ENTREP2: variants seen among roughly 807,000 people sequenced by gnomAD.
ENTREP2 encodes the protein endosomal transmembrane epsin interactor 2.
At chr15:29,521,922 G>C in the ENTREP2 span, among the ~76,000 whole-genome samples, 1 of 152,116 alleles carries the variant, frequency 6.6e-6, no homozygotes, top group East Asian at 1.9e-4. Flanking sequence ...TTGGCATCAA[G>C]ACAGACAAGT....
At chr15:29,545,418 A>C in the ENTREP2 span, among the ~76,000 whole-genome samples, 2 of 152,244 alleles carry the variant, frequency 1.3e-5, no homozygotes, top group Non-Finnish European at 2.9e-5. Flanking sequence ...GCCAAAAGAG[A>C]TAACAGAAAA....
At chr15:29,592,316 G>A in the ENTREP2 span, among the ~76,000 whole-genome samples, 1 of 152,186 alleles carries the variant, frequency 6.6e-6, no homozygotes, top group South Asian at 2.1e-4. Flanking sequence ...CAAGGGGCCT[G>A]TCTTTGTTTT....
At chr15:29,599,014 G>C in the ENTREP2 span, among the ~76,000 whole-genome samples, 2 of 152,130 alleles carry the variant, frequency 1.3e-5, no homozygotes, top group South Asian at 4.2e-4. Context: ...CTAAAATCTT[G>C]ACCCAGTCCA....
the ENTREP2 span, among the ~76,000 whole-genome samples, chr15:29,385,386 G>A: frequency 2.6e-5 from 4 of 152,134 alleles, no homozygotes; most frequent in Non-Finnish European, 5.9e-5. Context: ...CAACAAACAC[G>A]GGTGACTTGC....
chr15:29,160,622 T>A, the ENTREP2 span, among the ~76,000 whole-genome samples: 1 of 140,430 alleles, frequency 7.1e-6, no homozygotes, highest in Non-Finnish European at 1.5e-5. Flanking sequence ...GGCAGGAGAA[T>A]CACTCAAACC....
chr15:29,594,359 G>A, the ENTREP2 span, among the ~76,000 whole-genome samples: 1 of 152,138 alleles, frequency 6.6e-6, no homozygotes, highest in Admixed American at 6.5e-5. Context: ...AAGTTTCCTA[G>A]CGTGTAGGAG....
At chr15:29,518,137 T>G in the ENTREP2 span, among the ~76,000 whole-genome samples, 1 of 152,062 alleles carries the variant, frequency 6.6e-6, no homozygotes, top group Non-Finnish European at 1.5e-5. Context: ...GCCCAGGAGT[T>G]GGAGGCTACA....
chr15:29,385,817 C>T, the ENTREP2 span, among the ~76,000 whole-genome samples: 1 of 152,136 alleles, frequency 6.6e-6, no homozygotes, highest in African/African-American at 2.4e-5. Flanking sequence ...TCTTCCAAGA[C>T]CACTCTGGCC....
At chr15:29,154,042 T>A in the ENTREP2 span, among the ~76,000 whole-genome samples, 3 of 152,262 alleles carry the variant, frequency 2.0e-5, no homozygotes, top group African/African-American at 7.2e-5. Flanking sequence ...TTTATGTTTT[T>A]AATTTCATTT....
chr15:29,387,256 T>C, the ENTREP2 span, among the ~76,000 whole-genome samples: 3 of 152,364 alleles, frequency 2.0e-5, no homozygotes, highest in East Asian at 1.9e-4. Flanking sequence ...ATTGAGATAA[T>C]CATGTGGTTT....
At chr15:29,248,589 A>T in the ENTREP2 span, among the ~76,000 whole-genome samples, 2 of 152,302 alleles carry the variant, frequency 1.3e-5, no homozygotes, top group African/African-American at 4.8e-5. Flanking sequence ...AATATATGAC[A>T]TAATTACACA....
At chr15:29,357,160 C>T in the ENTREP2 span, among the ~76,000 whole-genome samples, 2 of 151,972 alleles carry the variant, frequency 1.3e-5, no homozygotes, top group African/African-American at 4.8e-5. Context: ...TCCTGTCTCA[C>T]AGCATATACA....
chr15:29,240,285 A>G, the ENTREP2 span, among the ~76,000 whole-genome samples: 2 of 151,182 alleles, frequency 1.3e-5, no homozygotes, highest in Admixed American at 1.3e-4. Context: ...AATCGCTTGA[A>G]CCCGGGAGGC....
the ENTREP2 span, among the ~76,000 whole-genome samples, chr15:29,543,347 A>G: frequency 6.6e-6 from 1 of 152,200 alleles, no homozygotes; most frequent in African/African-American, 2.4e-5. Flanking sequence ...AACACATAAC[A>G]TAATTTGGTC....
the ENTREP2 span, among the ~76,000 whole-genome samples, chr15:29,454,350 G>GT: frequency 6.6e-6 from 1 of 152,222 alleles, no homozygotes; most frequent in African/African-American, 2.4e-5. Context: ...GGTGGACAGC[G>GT]TATGTCCTGA....
At chr15:29,375,780 A>C in the ENTREP2 span, 3 of 152,182 alleles carry the variant, frequency 2.0e-5, no homozygotes, top group African/African-American at 7.2e-5. Flanking sequence ...TAATTGCCAA[A>C]GGCATGGTGG....
At chr15:29,267,636 A>G in the ENTREP2 span, 1 of 152,164 alleles carries the variant, frequency 6.6e-6, no homozygotes, top group East Asian at 1.9e-4. Flanking sequence ...CATACACGTT[A>G]TATTTCCCCA....
chr15:29,150,799 T>TA, the ENTREP2 span, among the ~76,000 whole-genome samples: 35 of 152,112 alleles, frequency 2.3e-4, no homozygotes, highest in South Asian at 6.2e-3. Flanking sequence ...AAGAGCACAT[T>TA]AAAAAAACCC....
chr15:29,161,204 CTG>C, the ENTREP2 span, among the ~76,000 whole-genome samples: 1 of 152,200 alleles, frequency 6.6e-6, no homozygotes, highest in Non-Finnish European at 1.5e-5. Context: ...TTTCCCAGGG[CTG>C]TGTTTGCACC....
Sources: gnomAD v4.1 joint callset for allele counts (sites outside exome capture counted in the v4.1 genomes callset) on GRCh38, gnomAD v4.1.1 for gene constraint, MANE v1.5 for transcripts, NCBI Gene and HGNC (gene_info 2026-07-23, HGNC 2026-07-21) for gene names.